The following NEXMIF variants were observed in gnomAD, a reference collection of about 807,000 sequenced individuals.
NEXMIF encodes neurite extension and migration factor, also known as XLMR protein related to neurite extension.
Under a neutral mutation model 62.1 loss-of-function variants are expected in NEXMIF, and 8 were observed. The ratio of observed to expected loss-of-function variants is 0.13; its 90% CI spans 0.08 to 0.23. The LOEUF (loss-of-function observed/expected upper bound fraction) is 0.23, where lower values mean the gene tolerates loss of function less well. Among genes scored for constraint, NEXMIF ranks in the 10% least tolerant of loss-of-function variants. The probability of loss-of-function intolerance (pLI) is 1.00; values close to 1 mark genes in which losing one functional copy is unlikely to be tolerated. For missense variants in NEXMIF, 976 were observed against 1,113.3 expected, an observed-to-expected ratio of 0.88 and a Z score of 1.75; for synonymous variants, 404 against 416.6, an observed-to-expected ratio of 0.97 and a Z score of 0.37.
chrX:74,892,940 G>GCA (rs1556040607), intron 1 of NEXMIF, among the ~76,000 whole-genome samples: 9 of 110,351 alleles, frequency 8.2e-5, no homozygotes, highest in African/African-American at 2.7e-4. Flanking sequence ...AGGAAAGGAT[G>GCA]GAGAGAGAGA....
intron 1 of NEXMIF, among the ~76,000 whole-genome samples, chrX:74,897,492 T>C (rs2080736313): frequency 8.9e-6 from 1 of 112,195 alleles, no homozygotes; most frequent in Non-Finnish European, 1.9e-5. Flanking sequence ...TAGTTTCTAG[T>C]AGAAGAACTA....
Position 74,734,567 on chromosome X carries a change from A to G in NEXMIF, c.*4838T>C, listed in dbSNP as rs2080080415. The G allele has an allele frequency of 8.9e-6, 1 of 112,054 alleles. No individual in the cohort carries two copies. The highest frequency in any genetic ancestry group is 3.3e-5 in the African/African-American group (1 of 30,754). 9.2% of individuals were successfully genotyped at this position (112,054 alleles called of 1,213,427 possible). ...TCATTCTGAGACTCAGAAACCCCTG[A>G]GCTTGTTAGATGGACAGACATCCTT... On this transcript the variant is annotated 3_prime_UTR_variant, in exon 4 of 4. Coordinates refer to ENST00000055682, the MANE Select transcript of NEXMIF (RefSeq NM_001008537.3).
At position 74,924,863 on chromosome X, in the gene NEXMIF, A is replaced by G; in HGVS notation, c.-48+20T>C. The G allele has an allele frequency of 8.8e-6, 1 of 114,098 alleles. No homozygotes were observed. The highest frequency in any genetic ancestry group is 1.9e-5 in the Non-Finnish European group (1 of 53,580). 9.4% of individuals were successfully genotyped at this position (114,098 alleles called of 1,213,427 possible). ...GCCGGCGAGAAGGCCAGGAAGCTGT[A>G]TGGCAGCGCTCCTACTCACCTCACA... is the stretch of plus-strand genomic sequence containing the variant. On this transcript the variant is annotated intron_variant, in intron 1 of 3. Transcript: ENST00000055682.
At chrX:74,867,318 C>T (rs1028768677) in intron 1 of NEXMIF, among the ~76,000 whole-genome samples, 5 of 111,789 alleles carry the variant, frequency 4.5e-5, no homozygotes, top group Non-Finnish European at 9.4e-5. Context: ...GCCCGTATAG[C>T]CATGACAATC....
At chrX:74,830,527 G>A (rs1464270624) in intron 1 of NEXMIF, among the ~76,000 whole-genome samples, 1 of 111,273 alleles carries the variant, frequency 9.0e-6, no homozygotes, top group Non-Finnish European at 1.9e-5. Context: ...GATAGCCTTG[G>A]CAATTCTGAG....
intron 1 of NEXMIF, among the ~76,000 whole-genome samples, chrX:74,810,324 A>G (rs1602236220): frequency 8.9e-6 from 1 of 111,990 alleles, no homozygotes; most frequent in East Asian, 2.8e-4. Context: ...GTAACATACA[A>G]CATTGGTATG....
At chrX:74,786,231 A>G (rs1357618071) in intron 1 of NEXMIF, among the ~76,000 whole-genome samples, 1 of 111,889 alleles carries the variant, frequency 8.9e-6, no homozygotes, top group East Asian at 2.8e-4. Flanking sequence ...CAGCAAGTCC[A>G]GTTGTACTAT....
At chrX:74,783,389 A>C (rs897287764) in intron 1 of NEXMIF, among the ~76,000 whole-genome samples, 5 of 111,770 alleles carry the variant, frequency 4.5e-5, no homozygotes, top group African/African-American at 1.6e-4. Flanking sequence ...CAAATACTTT[A>C]TTTCAAAAGA....
chrX:74,804,578 C>T (rs2080339359), intron 1 of NEXMIF, among the ~76,000 whole-genome samples: 2 of 112,104 alleles, frequency 1.8e-5, no homozygotes, highest in South Asian at 7.5e-4. Flanking sequence ...TGCCTCATGA[C>T]TCTGCCTGCT....
At position 74,876,049 on chromosome X, in the gene NEXMIF, T is replaced by G. The variant is rs768753861; in HGVS notation, c.-48+48834A>C. ...TGCCTTCTGCTAGCTTTTGAATGTGTTTGCTCTTGCTTTTCTAGTTCCTTT... is the reference window on the plus strand; with the variant it reads ...TGCCTTCTGCTAGCTTTTGAATGTGGTTGCTCTTGCTTTTCTAGTTCCTTT... On this transcript the variant is annotated intron_variant, in intron 1 of 3. Transcript: ENST00000055682. Among the ~76,000 whole-genome samples the G allele has an allele frequency of 2.7e-5, 3 of 111,548 alleles. No individual in the cohort carries two copies. In the East Asian group the frequency reaches 8.4e-4, roughly 31 times the overall value.
At chrX:74,842,830 T>C (rs2080478260) in intron 1 of NEXMIF, among the ~76,000 whole-genome samples, 1 of 112,384 alleles carries the variant, frequency 8.9e-6, no homozygotes, top group Non-Finnish European at 1.9e-5. Flanking sequence ...GCTGTGGTCC[T>C]GAGAGTGTGT....
At chrX:74,774,890 A>T (rs2080224198) in intron 1 of NEXMIF, among the ~76,000 whole-genome samples, 1 of 111,730 alleles carries the variant, frequency 9.0e-6, no homozygotes, top group Admixed American at 9.5e-5. Context: ...CTGCACACTC[A>T]CATTTTGATC....
intron 1 of NEXMIF, among the ~76,000 whole-genome samples, chrX:74,819,870 A>C (rs964006139): frequency 1.8e-5 from 2 of 112,128 alleles, no homozygotes; most frequent in Non-Finnish European, 3.8e-5. Context: ...TCATGCTACT[A>C]TAAAGACACA....
At chrX:74,796,255 T>TG (rs1720769126) in intron 1 of NEXMIF, among the ~76,000 whole-genome samples, 2 of 28,862 alleles carry the variant, frequency 6.9e-5, no homozygotes, top group Non-Finnish European at 1.8e-4. Context: ...CACATATATA[T>TG]TATATATATT....
In NEXMIF at chrX:74,864,404, C is replaced by G. The variant is rs189292147; in HGVS notation, c.-48+60479G>C. On this transcript the variant is annotated intron_variant, in intron 1 of 3. Coordinates refer to ENST00000055682, the MANE Select transcript of NEXMIF (RefSeq NM_001008537.3). ...TCTTAGTGATATGGTTTGGCTGTGT[C>G]CCCACCCAAACCACATCTTGAATGT... Among the ~76,000 whole-genome samples the G allele has an allele frequency of 8.5e-4, 95 of 112,065 alleles. 1 individual carries two copies. The highest frequency in any genetic ancestry group is 2.7e-3 in the African/African-American group (82 of 30,914).
At chrX:74,852,163 A>G (rs755619927) in intron 1 of NEXMIF, among the ~76,000 whole-genome samples, 5 of 111,994 alleles carry the variant, frequency 4.5e-5, no homozygotes, top group Non-Finnish European at 9.4e-5. Context: ...GAGCAAGGGT[A>G]GCTATGTTTA....
intron 1 of NEXMIF, among the ~76,000 whole-genome samples, chrX:74,854,653 A>G (rs1186876718): frequency 8.9e-6 from 1 of 111,911 alleles, no homozygotes; most frequent in East Asian, 2.8e-4. Context: ...CTCTGCAGAC[A>G]ACATGATCTT....
intron 1 of NEXMIF, among the ~76,000 whole-genome samples, chrX:74,887,920 G>A (rs190162188): frequency 4.9e-4 from 55 of 112,258 alleles, no homozygotes; most frequent in African/African-American, 1.6e-3. Flanking sequence ...TGGTAGACTG[G>A]ATTAAGAAAA....
At chrX:74,789,607 C>T (rs1275878457) in intron 1 of NEXMIF, among the ~76,000 whole-genome samples, 1 of 111,007 alleles carries the variant, frequency 9.0e-6, no homozygotes, top group East Asian at 2.8e-4. Context: ...TAAAACTGTT[C>T]CTATTTCTCC....
Sources: gnomAD v4.1 joint callset for allele counts (sites outside exome capture counted in the v4.1 genomes callset) on GRCh38, gnomAD v4.1.1 for gene constraint, MANE v1.5 for transcripts, NCBI Gene and HGNC (gene_info 2026-07-23, HGNC 2026-07-21) for gene names.